Variants in CENPP observed in about 807,000 individuals in gnomAD.
CENPP encodes the protein centromere protein P.
Under a neutral mutation model 35.6 loss-of-function variants are expected in CENPP, and 24 were observed. The observed-to-expected ratio is 0.67, with a 90% CI of 0.49 to 0.95. The LOEUF (loss-of-function observed/expected upper bound fraction) is 0.95, where lower values mean the gene tolerates loss of function less well. CENPP is among the 40% of genes least tolerant of loss of function. The pLI is 0.00. For synonymous variants in CENPP, 120 were observed against 125.5 expected, an observed-to-expected ratio of 0.96 and a Z score of 0.29; for missense variants, 332 against 345.3, an observed-to-expected ratio of 0.96 and a Z score of 0.31.
chr9:92,435,674 A>G (rs1042545359), intron 5 of CENPP, among the ~76,000 whole-genome samples: 8 of 152,212 alleles, frequency 5.3e-5, no homozygotes, highest in Admixed American at 2.0e-4. Context: ...ACAGTATATA[A>G]CCTTTTGGAA....
At chr9:92,382,654 T>A (rs968360694) in intron 5 of CENPP, among the ~76,000 whole-genome samples, 19 of 152,098 alleles carry the variant, frequency 1.2e-4, no homozygotes, top group African/African-American at 4.3e-4. Flanking sequence ...CCCTTAAGTT[T>A]AGGTCTTTTA....
intron 5 of CENPP, among the ~76,000 whole-genome samples, chr9:92,524,760 G>A (rs1848291013): frequency 6.6e-6 from 1 of 152,136 alleles, no homozygotes; most frequent in African/African-American, 2.4e-5. Context: ...CTTTTTAATG[G>A]GAATTTAAGG....
At chr9:92,530,336 ATAG>A (rs1299229954) in intron 5 of CENPP, among the ~76,000 whole-genome samples, 2 of 152,174 alleles carry the variant, frequency 1.3e-5, no homozygotes, top group Non-Finnish European at 2.9e-5. Flanking sequence ...TGAGATTTTG[ATAG>A]TAGGGGAAAA....
intron 5 of CENPP, chr9:92,384,364 T>A (rs1307911758): frequency 6.6e-6 from 1 of 152,180 alleles, no homozygotes; most frequent in African/African-American, 2.4e-5. Flanking sequence ...AGAGACAACT[T>A]GATTTCAATA....
At chr9:92,517,746 T>C in intron 5 of CENPP, 2 of 1,614,160 alleles carry the variant, frequency 1.2e-6, no homozygotes, top group Non-Finnish European at 1.7e-6. Context: ...GGGGCACCTC[T>C]GGGGATGGCA....
At chr9:92,528,719 G>A (rs1436374141) in intron 5 of CENPP, among the ~76,000 whole-genome samples, 1 of 152,082 alleles carries the variant, frequency 6.6e-6, no homozygotes. Flanking sequence ...GCTAAAGGCT[G>A]CTGTGATCCC....
At chr9:92,606,973 C>T (rs552598082) in intron 5 of CENPP, among the ~76,000 whole-genome samples, 65 of 152,008 alleles carry the variant, frequency 4.3e-4, no homozygotes, top group African/African-American at 1.5e-3. Context: ...AAAATAATAA[C>T]AATAATAATA....
At chr9:92,395,007 G>A (rs549963070) in intron 5 of CENPP, among the ~76,000 whole-genome samples, 15 of 152,192 alleles carry the variant, frequency 9.9e-5, no homozygotes, top group Non-Finnish European at 1.6e-4. Flanking sequence ...CACAGATTAG[G>A]CCCTTTCAAG....
At chr9:92,465,675 T>C (rs548908796) in intron 5 of CENPP, among the ~76,000 whole-genome samples, 2 of 152,310 alleles carry the variant, frequency 1.3e-5, no homozygotes, top group East Asian at 3.9e-4. Flanking sequence ...TAACCAAATG[T>C]TAGGTGCACA....
intron 5 of CENPP, among the ~76,000 whole-genome samples, chr9:92,544,116 C>A (rs1849375631): frequency 6.6e-6 from 1 of 152,186 alleles, no homozygotes; most frequent in South Asian, 2.1e-4. Context: ...TATTCCTGAT[C>A]TTAGAAGAAA....
intron 5 of CENPP, chr9:92,514,723 G>C (rs1421727085): frequency 6.2e-7 from 1 of 1,607,836 alleles, no homozygotes; most frequent in Non-Finnish European, 8.5e-7. Context: ...GTAGGACAGA[G>C]AGCACCCGCT....
chr9:92,610,767 T>C (rs1851216083), intron 5 of CENPP: 1 of 154,384 alleles, frequency 6.5e-6, no homozygotes, highest in African/African-American at 2.4e-5. Context: ...CTCCTGCCCA[T>C]GCCCAGGACG....
chr9:92,394,009 C>T (rs772879212), intron 5 of CENPP, among the ~76,000 whole-genome samples: 6 of 152,222 alleles, frequency 3.9e-5, no homozygotes, highest in Non-Finnish European at 7.3e-5. Flanking sequence ...TTTTTCACTT[C>T]ATAACAAGTA....
At chr9:92,329,886 G>T (rs111543174) in intron 1 of CENPP, among the ~76,000 whole-genome samples, 7 of 152,232 alleles carry the variant, frequency 4.6e-5, no homozygotes, top group Non-Finnish European at 7.4e-5. Flanking sequence ...ATTTGTAGGG[G>T]CATCAGTCTA....
At chr9:92,561,235 A>G (rs1325751865) in intron 5 of CENPP, among the ~76,000 whole-genome samples, 1 of 152,196 alleles carries the variant, frequency 6.6e-6, no homozygotes, top group African/African-American at 2.4e-5. Flanking sequence ...TCTCCCAAGC[A>G]CTGCCTCAGC....
At chr9:92,570,736 A>T (rs2131353843) in intron 5 of CENPP, among the ~76,000 whole-genome samples, 1 of 152,308 alleles carries the variant, frequency 6.6e-6, no homozygotes, top group East Asian at 1.9e-4. Context: ...TAGGCTATTA[A>T]TTATTGCCTC....
chr9:92,349,404 T>A (rs1396366337), intron 4 of CENPP, among the ~76,000 whole-genome samples: 3 of 151,554 alleles, frequency 2.0e-5, no homozygotes, highest in East Asian at 1.9e-4. Context: ...TATACTTTTT[T>A]TTTTATTTTT....
At chr9:92,526,442 G>A (rs545751910) in intron 5 of CENPP, among the ~76,000 whole-genome samples, 22 of 151,960 alleles carry the variant, frequency 1.4e-4, no homozygotes, top group Non-Finnish European at 2.6e-4. Context: ...AGTACTAAGA[G>A]GGAAGTTTAC....
intron 5 of CENPP, among the ~76,000 whole-genome samples, chr9:92,609,360 GATCTGGTTCA>G (rs1851171969): frequency 6.6e-6 from 1 of 152,344 alleles, no homozygotes; most frequent in Admixed American, 6.5e-5. Context: ...CAGCAGAGCT[GATCTGGTTCA>G]ATCCGGCAAG....
Sources: gnomAD v4.1 joint callset for allele counts (sites outside exome capture counted in the v4.1 genomes callset) on GRCh38, gnomAD v4.1.1 for gene constraint, MANE v1.5 for transcripts, NCBI Gene and HGNC (gene_info 2026-07-23, HGNC 2026-07-21) for gene names.